The following CTNNA3 variants were observed in gnomAD, a reference collection of about 807,000 sequenced individuals.
CTNNA3 encodes catenin alpha 3.
Under a neutral mutation model 95.7 loss-of-function variants are expected in CTNNA3, and 76 were observed. That is an observed-to-expected ratio of 0.79 (90% CI 0.66 to 0.96). The LOEUF is 0.96. Among genes scored for constraint, CTNNA3 ranks in the 40% least tolerant of loss-of-function variants. The probability of loss-of-function intolerance (pLI) is 0.00; values close to 1 mark genes in which losing one functional copy is unlikely to be tolerated. For missense variants in CTNNA3, 1,191 were observed against 1,089.8 expected (o/e 1.09, Z -1.31); for synonymous variants, 431 against 374.4 (o/e 1.15, Z -1.74).
chr10:66,518,916 T>C (rs1332154735), intron 11 of CTNNA3, among the ~76,000 whole-genome samples: 4 of 152,016 alleles, frequency 2.6e-5, no homozygotes, highest in Admixed American at 6.6e-5. Flanking sequence ...TTTTCACTAA[T>C]GTATCATGAA....
At position 66,392,420 on chromosome 10, in the gene CTNNA3, A is replaced by T. The variant is rs2092941265; in HGVS notation, c.1532-13068T>A. ...ACTCCAGCCTGGGTGACAGAGTGAGACCCCTTCTCAAAAAACAAAACAAAA... is the reference window on the plus strand; with the variant it reads ...ACTCCAGCCTGGGTGACAGAGTGAGTCCCCTTCTCAAAAAACAAAACAAAA... On this transcript the variant is annotated intron_variant, in intron 11 of 17. Coordinates refer to ENST00000433211, the MANE Select transcript of CTNNA3 (RefSeq NM_013266.4). Among the ~76,000 whole-genome samples, 2 of 151,490 alleles carry T rather than the reference A, an allele frequency of 1.3e-5. 1 individual carries two copies. Among genetic ancestry groups the T allele is most frequent in the South Asian group, 4.2e-4 (2 of 4,800 alleles).
At chr10:66,158,665 T>C (rs2084681304) in intron 13 of CTNNA3, among the ~76,000 whole-genome samples, 1 of 152,044 alleles carries the variant, frequency 6.6e-6, no homozygotes, top group Non-Finnish European at 1.5e-5. Flanking sequence ...TTTAGAATTG[T>C]TTTTTCTAAT....
chr10:66,489,680 C>G (rs12219203), intron 11 of CTNNA3, among the ~76,000 whole-genome samples: 12,471 of 152,156 alleles, frequency 0.082, 1,201 homozygotes, highest in East Asian at 0.32. Flanking sequence ...TTTCATGAGG[C>G]TTTAGGTATA....
intron 8 of CTNNA3, among the ~76,000 whole-genome samples, chr10:66,771,427 T>C (rs4587627): frequency 0.85 from 129,346 of 152,158 alleles, 55,277 homozygotes; most frequent in East Asian, 1. Flanking sequence ...AAATGAATGA[T>C]GGAAAAAGAG....
At chr10:66,765,482 A>G (rs1839809851) in intron 9 of CTNNA3, among the ~76,000 whole-genome samples, 1 of 152,152 alleles carries the variant, frequency 6.6e-6, no homozygotes. Context: ...GCCATACTGA[A>G]TATCATCTGA....
intron 6 of CTNNA3, among the ~76,000 whole-genome samples, chr10:67,193,702 GA>G (rs1024518514): frequency 6.6e-6 from 1 of 152,010 alleles, no homozygotes; most frequent in Non-Finnish European, 1.5e-5. Context: ...AGTATTCCAT[GA>G]TATATATGTA....
chr10:66,520,304 T>G (rs1010586581), intron 11 of CTNNA3, among the ~76,000 whole-genome samples: 8 of 136,146 alleles, frequency 5.9e-5, no homozygotes, highest in African/African-American at 1.1e-4. Flanking sequence ...CAGGCTGGAG[T>G]GTAGTGACAT....
At chr10:67,714,229 A>G (rs1245682980) in intron 1 of CTNNA3, among the ~76,000 whole-genome samples, 1 of 152,200 alleles carries the variant, frequency 6.6e-6, no homozygotes, top group Non-Finnish European at 1.5e-5. Flanking sequence ...ATGCACCTGG[A>G]AAAGCCACAG....
intron 11 of CTNNA3, among the ~76,000 whole-genome samples, chr10:66,473,570 G>T (rs1839210722): frequency 6.6e-6 from 1 of 151,668 alleles, no homozygotes; most frequent in Non-Finnish European, 1.5e-5. Flanking sequence ...CAATGTGCAG[G>T]TTTGTTACAC....
chr10:67,270,181 G>A (rs1035247683), intron 5 of CTNNA3, among the ~76,000 whole-genome samples: 3 of 148,722 alleles, frequency 2.0e-5, no homozygotes, highest in South Asian at 2.1e-4. Flanking sequence ...TCCCTTTTTC[G>A]AGTATACACG....
chr10:66,333,992 T>C (rs895994972), intron 12 of CTNNA3, among the ~76,000 whole-genome samples: 12 of 152,122 alleles, frequency 7.9e-5, no homozygotes, highest in African/African-American at 2.9e-4. Context: ...AATGGCCGTC[T>C]TTATCTCTTT....
chr10:65,933,827 A>C (rs1201253240), intron 17 of CTNNA3, among the ~76,000 whole-genome samples: 1 of 152,192 alleles, frequency 6.6e-6, no homozygotes, highest in Non-Finnish European at 1.5e-5. Context: ...CAGGCAATTA[A>C]ACCAGACCTG....
intron 10 of CTNNA3, among the ~76,000 whole-genome samples, chr10:66,537,509 C>A (rs1841701545): frequency 1.3e-5 from 2 of 151,692 alleles, no homozygotes; most frequent in South Asian, 2.1e-4. Context: ...TGACCTCAAC[C>A]ATTTCCCTTG....
intron 7 of CTNNA3, among the ~76,000 whole-genome samples, chr10:66,829,692 GAAAA>G (rs140759441): frequency 6.9e-6 from 1 of 145,504 alleles, no homozygotes. Flanking sequence ...TAACATTTTG[GAAAA>G]AAAAAAAAAA....
rs572490497 is a variant in CTNNA3 at position 66,196,006 on chromosome 10, T to A, written c.1884+84464A>T. Among the ~76,000 whole-genome samples, 32 of 152,280 alleles carry A rather than the reference T, an allele frequency of 2.1e-4. No homozygotes were observed. In the South Asian group the frequency reaches 5.4e-3, roughly 26 times the overall value. ...CAATTGGATGTTCTTAGCAAGAATA[T>A]TCATATCAGAAGAATTCTAAATGCT... On this transcript the variant is annotated intron_variant, in intron 13 of 17. Transcript: ENST00000433211.
chr10:66,930,075 G>T (rs544053727), intron 7 of CTNNA3, among the ~76,000 whole-genome samples: 3 of 152,058 alleles, frequency 2.0e-5, no homozygotes, highest in East Asian at 1.9e-4. Context: ...TATTGTTTGG[G>T]GGTTTTTCAT....
intron 10 of CTNNA3, among the ~76,000 whole-genome samples, chr10:66,578,456 T>C (rs1843074755): frequency 6.6e-6 from 1 of 152,060 alleles, no homozygotes; most frequent in Admixed American, 6.6e-5. Flanking sequence ...TATGGGTTTG[T>C]CATAAATAGC....
intron 11 of CTNNA3, among the ~76,000 whole-genome samples, chr10:66,383,170 C>T (rs1039268759): frequency 6.6e-6 from 1 of 152,056 alleles, no homozygotes; most frequent in Non-Finnish European, 1.5e-5. Flanking sequence ...GATGTTTGAA[C>T]CCATTGCAAG....
intron 7 of CTNNA3, among the ~76,000 whole-genome samples, chr10:66,990,114 C>A (rs12266823): frequency 0.074 from 11,237 of 152,226 alleles, 572 homozygotes; most frequent in African/African-American, 0.13. Flanking sequence ...AGTTTATACT[C>A]AAGCTTGTCA....
Sources: allele counts gnomAD v4.1 joint callset (sites outside exome capture counted in the v4.1 genomes callset), GRCh38; gene constraint gnomAD v4.1.1; transcripts MANE v1.5; gene names NCBI Gene and HGNC (gene_info 2026-07-23, HGNC 2026-07-21).